TEKT5: variants seen among roughly 807,000 people sequenced by gnomAD.
TEKT5 encodes the protein tektin 5, also known as tektin-5.
A neutral mutation model predicts 48.7 loss-of-function variants in TEKT5; 52 were observed. The observed-to-expected ratio is 1.07, with a 90% CI of 0.86 to 1.35. TEKT5 has a LOEUF of 1.35. Ranked by LOEUF, TEKT5 falls within the 40% of genes most tolerant of loss-of-function variation. The pLI is 0.00. For missense variants in TEKT5, 831 were observed against 641.6 expected (o/e 1.30, Z -3.19); for synonymous variants, 318 against 267.6 (o/e 1.19, Z -1.84).
At position 10,649,770 on chromosome 16, in the gene TEKT5, T is replaced by C. The variant is rs1428012594; in HGVS notation, c.1087-13852A>G. ...AAATTTTTAGGTGACTCAGTTTAAA[T>C]AGAAATACAAAATCAGTAATGGTCC... On this transcript the variant is annotated intron_variant, in intron 5 of 6. Coordinates refer to ENST00000283025, the MANE Select transcript of TEKT5 (RefSeq NM_144674.2). 3.3e-5 allele frequency among the ~76,000 whole-genome samples: 5 copies of C among 152,166 alleles called. No individual in the cohort carries two copies. In the South Asian group the frequency reaches 6.2e-4, roughly 19 times the overall value.
intron 5 of TEKT5, among the ~76,000 whole-genome samples, chr16:10,636,690 C>CAT (rs146712550): frequency 6.9e-6 from 1 of 145,182 alleles, no homozygotes; most frequent in African/African-American, 2.6e-5. Flanking sequence ...TACATACATA[C>CAT]GTGTGTGTGT....
intron 3 of TEKT5, among the ~76,000 whole-genome samples, chr16:10,686,818 G>C (rs1438008932): frequency 1.3e-5 from 2 of 152,186 alleles, no homozygotes; most frequent in Admixed American, 1.3e-4. Flanking sequence ...CGATAGCCAA[G>C]ATACGAAATC....
chr16:10,693,344 C>T (rs1341747979), intron 1 of TEKT5, among the ~76,000 whole-genome samples: 3 of 152,202 alleles, frequency 2.0e-5, no homozygotes, highest in Non-Finnish European at 4.4e-5. Flanking sequence ...ATCCACCTGC[C>T]CTGGCCTCAC....
At chr16:10,677,588 A>T (rs1273437338) in intron 4 of TEKT5, among the ~76,000 whole-genome samples, 2 of 147,224 alleles carry the variant, frequency 1.4e-5, no homozygotes, top group Non-Finnish European at 2.9e-5. Flanking sequence ...CAGCCTGGGC[A>T]ACAGAGTAAG....
chr16:10,653,676 G>T (rs544670512), intron 5 of TEKT5, among the ~76,000 whole-genome samples: 1 of 152,286 alleles, frequency 6.6e-6, no homozygotes, highest in East Asian at 1.9e-4. Context: ...ACTTTGGGAG[G>T]CCAAGGTGGG....
At chr16:10,670,724 C>G (rs979182393) in intron 5 of TEKT5, among the ~76,000 whole-genome samples, 1 of 152,034 alleles carries the variant, frequency 6.6e-6, no homozygotes, top group Admixed American at 6.6e-5. Flanking sequence ...CAGATGGGTG[C>G]TAACTTATTT....
intron 5 of TEKT5, among the ~76,000 whole-genome samples, chr16:10,640,475 T>C (rs74007195): frequency 0.014 from 2,079 of 152,256 alleles, 56 homozygotes; most frequent in African/African-American, 0.048. Context: ...TGAGGCATAG[T>C]TGATATACAA....
At position 10,629,403 on chromosome 16, in the gene TEKT5, G is replaced by A. The variant is rs562427780; in HGVS notation, c.1242-1604C>T. Among the ~76,000 whole-genome samples, 38 of 151,870 alleles carry A rather than the reference G, an allele frequency of 2.5e-4. No homozygotes were observed. The South Asian group carries it at 2.5e-3, about 10-fold the overall frequency. ...GTAGCTGGGATTACAGGCACGTGCC[G>A]CCACACCCAGCTAATTTTTCATGTT... On this transcript the variant is annotated intron_variant, in intron 6 of 6. Coordinates refer to ENST00000283025, the MANE Select transcript of TEKT5 (RefSeq NM_144674.2).
chr16:10,690,684 C>A (rs545850572), intron 1 of TEKT5: 4 of 985,424 alleles, frequency 4.1e-6, no homozygotes, highest in East Asian at 1.1e-4. Flanking sequence ...TGCCACCTAG[C>A]CCTGGGCCTT....
At chr16:10,637,014 C>A (rs1407025159) in intron 5 of TEKT5, among the ~76,000 whole-genome samples, 5 of 145,824 alleles carry the variant, frequency 3.4e-5, no homozygotes, top group African/African-American at 1.3e-4. Flanking sequence ...CGGAGTCTCG[C>A]TCTGTCACCA....
At chr16:10,653,700 G>C (rs1898209145) in intron 5 of TEKT5, among the ~76,000 whole-genome samples, 1 of 152,098 alleles carries the variant, frequency 6.6e-6, no homozygotes, top group Non-Finnish European at 1.5e-5. Context: ...ATCACCTGAG[G>C]TTAGGAGTTC....
At chr16:10,652,599 G>C (rs1373911422) in intron 5 of TEKT5, among the ~76,000 whole-genome samples, 2 of 37,914 alleles carry the variant, frequency 5.3e-5, no homozygotes, top group African/African-American at 2.1e-4. Flanking sequence ...TATATACACA[G>C]GCAGACACAC....
chr16:10,675,469 G>C (rs570549308), intron 5 of TEKT5, among the ~76,000 whole-genome samples: 2 of 152,112 alleles, frequency 1.3e-5, no homozygotes, highest in Non-Finnish European at 2.9e-5. Flanking sequence ...CGACAGAATC[G>C]GGCAGTGCTG....
intron 4 of TEKT5, among the ~76,000 whole-genome samples, chr16:10,677,091 G>A (rs113155800): frequency 0.05 from 7,669 of 152,106 alleles, 588 homozygotes; most frequent in African/African-American, 0.17. Flanking sequence ...CTTGGGAGGC[G>A]GAGGTGGGAG....
At chr16:10,660,249 G>A (rs1208594761) in intron 5 of TEKT5, among the ~76,000 whole-genome samples, 1 of 152,094 alleles carries the variant, frequency 6.6e-6, no homozygotes, top group Non-Finnish European at 1.5e-5. Context: ...AATAGAAAAG[G>A]GCTCTCCTCA....
In TEKT5 at chr16:10,682,926, G is replaced by C. The variant is rs538118751; in HGVS notation, c.720-790C>G. On this transcript the variant is annotated intron_variant, in intron 3 of 6. Coordinates refer to ENST00000283025, the MANE Select transcript of TEKT5 (RefSeq NM_144674.2). ...AATCACTTTGTAAATCAATCATTGT[G>C]TCTGACCCTATGCTGGGCACCGAGG... Among the ~76,000 whole-genome samples, 3 of 152,306 alleles carry C rather than the reference G, an allele frequency of 2.0e-5. No homozygotes were observed. The South Asian group carries it at 6.2e-4, about 32-fold the overall frequency.
intron 3 of TEKT5, among the ~76,000 whole-genome samples, chr16:10,686,003 C>A (rs1197000694): frequency 6.6e-6 from 1 of 152,206 alleles, no homozygotes. Flanking sequence ...CGTCAGCCCT[C>A]CTGTCCCCAC....
At chr16:10,642,761 C>G (rs577835973) in intron 5 of TEKT5, among the ~76,000 whole-genome samples, 14 of 152,136 alleles carry the variant, frequency 9.2e-5, no homozygotes, top group Non-Finnish European at 5.9e-5. Context: ...CATGCTCTCA[C>G]TCATATGCAG....
chr16:10,690,276 A>G (rs1898945744), intron 1 of TEKT5, among the ~76,000 whole-genome samples: 1 of 152,222 alleles, frequency 6.6e-6, no homozygotes, highest in Non-Finnish European at 1.5e-5. Flanking sequence ...ATAAAGTAGC[A>G]TCCCAAGAAC....
Sources: allele counts gnomAD v4.1 joint callset (sites outside exome capture counted in the v4.1 genomes callset), GRCh38; gene constraint gnomAD v4.1.1; transcripts MANE v1.5; gene names NCBI Gene and HGNC (gene_info 2026-07-23, HGNC 2026-07-21).